Variants in AP3B1 observed in about 807,000 individuals in gnomAD.
The protein encoded by AP3B1 is AP-3 complex subunit beta-1.
Under a neutral mutation model 132.5 loss-of-function variants are expected in AP3B1, and 61 were observed. The observed-to-expected ratio is 0.46, with a 90% confidence interval of 0.37 to 0.57. The LOEUF (loss-of-function observed/expected upper bound fraction) is 0.57, where lower values mean the gene tolerates loss of function less well. Ranked by LOEUF, AP3B1 falls within the 20% of genes least tolerant of loss-of-function variation. The probability of loss-of-function intolerance (pLI) is 0.00; values close to 1 mark genes in which losing one functional copy is unlikely to be tolerated. For synonymous variants in AP3B1, 388 were observed against 438.3 expected, an observed-to-expected ratio of 0.89 and a Z score of 1.43; for missense variants, 1,120 against 1,289.4, an observed-to-expected ratio of 0.87 and a Z score of 2.01.
chr5:78,199,751 T>C (rs1370105149), intron 7 of AP3B1, among the ~76,000 whole-genome samples: 1 of 152,082 alleles, frequency 6.6e-6, no homozygotes, highest in Non-Finnish European at 1.5e-5. Context: ...TATGAAGAAC[T>C]CTTAATACAT....
intron 1 of AP3B1, among the ~76,000 whole-genome samples, chr5:78,268,041 G>A (rs1399367854): frequency 6.6e-6 from 1 of 152,026 alleles, no homozygotes; most frequent in Non-Finnish European, 1.5e-5. Flanking sequence ...CAGTAGAGAA[G>A]ACAAAATACA....
chr5:78,232,959 G>A (rs980457725), intron 3 of AP3B1, among the ~76,000 whole-genome samples: 3 of 152,010 alleles, frequency 2.0e-5, no homozygotes, highest in East Asian at 1.9e-4. Context: ...CACCCACCTC[G>A]GCCTCCCAAA....
chr5:78,109,749 T>C (rs1316581022), intron 20 of AP3B1, among the ~76,000 whole-genome samples: 1 of 152,062 alleles, frequency 6.6e-6, no homozygotes, highest in Non-Finnish European at 1.5e-5. Context: ...TATTTTATTA[T>C]ATAAGTGGTT....
In AP3B1 at chr5:78,079,936, C is replaced by T. The variant is rs531020009; in HGVS notation, c.2577+9457G>A. On this transcript the variant is annotated intron_variant, in intron 22 of 26. Transcript: ENST00000255194. ...TTTAAACATTTTCCACATATGTATG[C>T]ATCCATCAATTAAATAATTCTAAAT... Among the ~76,000 whole-genome samples the T allele has an allele frequency of 5.7e-4, 87 of 152,334 alleles. No homozygotes were observed. The South Asian group carries it at 6.4e-3, about 11-fold the overall frequency.
intron 11 of AP3B1, among the ~76,000 whole-genome samples, chr5:78,167,292 C>A (rs1743676145): frequency 1.3e-5 from 2 of 152,016 alleles, no homozygotes; most frequent in Non-Finnish European, 2.9e-5. Context: ...CAGTGTGAAA[C>A]CACCTCACTC....
intron 11 of AP3B1, among the ~76,000 whole-genome samples, chr5:78,172,563 T>C (rs138349103): frequency 0.023 from 3,511 of 152,344 alleles, 66 homozygotes; most frequent in Middle Eastern, 0.061. Flanking sequence ...TTTATATTTC[T>C]GTGGGATTGG....
downstream of AP3B1, chr5:78,000,991 T>G (rs2112025269): frequency 6.6e-6 from 1 of 152,362 alleles, no homozygotes; most frequent in Admixed American, 6.5e-5. Flanking sequence ...TACTGTTCAC[T>G]GATTCATACT....
intron 2 of AP3B1, among the ~76,000 whole-genome samples, chr5:78,253,369 G>A (rs1458349543): frequency 6.6e-6 from 1 of 152,186 alleles, no homozygotes; most frequent in Non-Finnish European, 1.5e-5. Context: ...AAAAACCACA[G>A]CATTATTGGG....
At chr5:78,004,760 T>C (rs1023575206) in intron 26 of AP3B1, among the ~76,000 whole-genome samples, 1 of 152,226 alleles carries the variant, frequency 6.6e-6, no homozygotes, top group African/African-American at 2.4e-5. Context: ...GCTGAAAACT[T>C]GCAAGGAATC....
chr5:78,013,249 TG>T (rs1746696834), intron 26 of AP3B1, among the ~76,000 whole-genome samples: 1 of 152,156 alleles, frequency 6.6e-6, no homozygotes, highest in South Asian at 2.1e-4. Context: ...CTCCCTATGT[TG>T]CCCAGTCTGG....
At chr5:78,266,878 G>T (rs1748344772) in intron 2 of AP3B1, among the ~76,000 whole-genome samples, 1 of 151,860 alleles carries the variant, frequency 6.6e-6, no homozygotes, top group African/African-American at 2.4e-5. Context: ...ACTAAAGATG[G>T]TATATACAAC....
At chr5:78,040,675 TA>T (rs565005772) in intron 22 of AP3B1, among the ~76,000 whole-genome samples, 11 of 149,466 alleles carry the variant, frequency 7.4e-5, no homozygotes, top group South Asian at 2.1e-4. Context: ...GGGCAAGCAT[TA>T]AAAAAAAAAT....
intron 7 of AP3B1, among the ~76,000 whole-genome samples, chr5:78,202,314 C>T (rs1745326063): frequency 6.6e-6 from 1 of 152,102 alleles, no homozygotes; most frequent in African/African-American, 2.4e-5. Flanking sequence ...AATACACAAT[C>T]CTATATAAAT....
intron 1 of AP3B1, among the ~76,000 whole-genome samples, chr5:78,270,724 G>A (rs1748513491): frequency 6.6e-6 from 1 of 152,174 alleles, no homozygotes; most frequent in Non-Finnish European, 1.5e-5. Context: ...ATGTTTTTGT[G>A]CAAAACATTA....
At chr5:78,072,427 T>C (rs762115863) in intron 22 of AP3B1, among the ~76,000 whole-genome samples, 1 of 152,228 alleles carries the variant, frequency 6.6e-6, no homozygotes, top group African/African-American at 2.4e-5. Context: ...TCAAGCAAGA[T>C]GAACACATTT....
At chr5:78,057,182 C>T (rs1748851081) in intron 22 of AP3B1, among the ~76,000 whole-genome samples, 1 of 152,180 alleles carries the variant, frequency 6.6e-6, no homozygotes, top group African/African-American at 2.4e-5. Context: ...GTTCCACAAT[C>T]GACTGAGGTT....
chr5:78,072,741 A>C (rs1356273259), intron 22 of AP3B1, among the ~76,000 whole-genome samples: 1 of 10,706 alleles, frequency 9.3e-5, no homozygotes, highest in African/African-American at 2.6e-4. Flanking sequence ...TTTTTTTTTG[A>C]GATGGAGTCC....
In AP3B1 at chr5:78,206,532, T is replaced by C. The variant is rs187709648; in HGVS notation, c.786+9523A>G. ...AGTAGGGCAAGGAGGAAGAAGGATC[T>C]TTCTCCCTGACCACACTCCTCACAT... is the stretch of plus-strand genomic sequence containing the variant. On this transcript the variant is annotated intron_variant, in intron 7 of 26. Transcript: ENST00000255194. 2.7e-3 allele frequency among the ~76,000 whole-genome samples: 410 copies of C among 152,240 alleles called. 2 individuals are homozygous for C. Among genetic ancestry groups the C allele is most frequent in the Non-Finnish European group, 4.5e-3 (309 of 68,030 alleles).
chr5:78,148,238 T>A (rs77670549), intron 14 of AP3B1, among the ~76,000 whole-genome samples: 3,092 of 152,206 alleles, frequency 0.02, 128 homozygotes, highest in African/African-American at 0.068. Context: ...GTACTTATAA[T>A]TGCCTCTTCC....
Sources: allele counts gnomAD v4.1 joint callset (sites outside exome capture counted in the v4.1 genomes callset), GRCh38; gene constraint gnomAD v4.1.1; transcripts MANE v1.5; gene names NCBI Gene and HGNC (gene_info 2026-07-23, HGNC 2026-07-21).